Variants in NHSL1 observed in about 807,000 individuals in gnomAD.
The protein encoded by NHSL1 is NHS-like protein 1.
Under a neutral mutation model 95.0 loss-of-function variants are expected in NHSL1, and 48 were observed. That is an observed-to-expected ratio of 0.51 (90% CI 0.40 to 0.64). The LOEUF is 0.64. Among genes scored for constraint, NHSL1 ranks in the 30% least tolerant of loss-of-function variants. The probability of loss-of-function intolerance (pLI) is 0.00; values close to 1 mark genes in which losing one functional copy is unlikely to be tolerated. For missense variants in NHSL1, 1,971 were observed against 2,077.7 expected, an observed-to-expected ratio of 0.95 and a Z score of 1.00; for synonymous variants, 783 against 833.9, an observed-to-expected ratio of 0.94 and a Z score of 1.05.
Position 138,525,528 on chromosome 6 carries a change from AAAATAAATAAAT to A in NHSL1, c.16+20083_16+20094del, listed in dbSNP as rs141195256. 8.5e-3 allele frequency among the ~76,000 whole-genome samples: 1,180 copies of A among 139,640 alleles called. 4 individuals carry two copies. The highest frequency in any genetic ancestry group is 0.017 in the African/African-American group (629 of 37,646). 91.6% of individuals were successfully genotyped at this position (139,640 alleles called of 152,430 possible). A position where few individuals can be genotyped will look rare whatever the true frequency, so the allele number is the denominator to read the frequency against. On this transcript the variant is annotated intron_variant, in intron 1 of 4. Coordinates refer to the NHSL1 transcript ENST00000342260. ...GAACAACGAAGTGAGACCTTGTCTCAAAATAAATAAATAAATAAATAAATAAATAAATAAATA... is the reference window on the plus strand; with the variant it reads ...GAACAACGAAGTGAGACCTTGTCTCAAAATAAATAAATAAATAAATAAATA...
In NHSL1 at chr6:138,431,052, T is replaced by C. The variant is rs1229987577; in HGVS notation, c.3293A>G (p.Gln1098Arg). Reference sequence around the variant, plus strand: ...TGGAGCAACTGGAGTTCGTTGTTCCTGAGCTGTTCGTTCAGACAACTGTGC... The same window carrying C: ...TGGAGCAACTGGAGTTCGTTGTTCCCGAGCTGTTCGTTCAGACAACTGTGC... ...EAAQLSERTA[Q>R]EQRTPVAPQY... Residue 1098 changes from glutamine to arginine, a missense_variant, in exon 6 of 8, where the codon CAG (glutamine) becomes CGG (arginine). Gln to Arg is a conservative substitution (Grantham distance 43, BLOSUM62 1). Around this residue, in one of 3 missense-constraint regions of NHSL1, gnomAD observed 1,602 missense variants for 1,654.5 expected, o/e 0.97. Coordinates refer to ENST00000343505, the MANE Select transcript of NHSL1 (RefSeq NM_001144060.2). The surrounding 1 kb of genome is among the most constrained non-coding windows in gnomAD (Gnocchi z 4.0). 4.5e-6 allele frequency: 7 copies of C among 1,551,998 alleles called. No individual in the cohort carries two copies. The Admixed American group carries it at 5.9e-5, about 13-fold the overall frequency.
At chr6:138,645,715 C>T (rs9495177) in intron 1 of NHSL1, among the ~76,000 whole-genome samples, 4,447 of 151,956 alleles carry the variant, frequency 0.029, 213 homozygotes, top group African/African-American at 0.1. Context: ...ACCATGTTGG[C>T]CACGATACTC....
chr6:138,569,978 A>G (rs1270278235), intron 1 of NHSL1, among the ~76,000 whole-genome samples: 4 of 152,228 alleles, frequency 2.6e-5, no homozygotes. Flanking sequence ...AAAGGGCACA[A>G]TCTTTTGTAT....
chr6:138,574,118 A>G (rs2114461263), upstream of NHSL1, among the ~76,000 whole-genome samples: 1 of 152,130 alleles, frequency 6.6e-6, no homozygotes, highest in East Asian at 1.9e-4. Context: ...TTTTTAGTAG[A>G]GACAGGGTTT....
At chr6:138,504,575 T>G (rs957189271) in intron 1 of NHSL1, among the ~76,000 whole-genome samples, 6 of 152,072 alleles carry the variant, frequency 3.9e-5, no homozygotes, top group Admixed American at 2.0e-4. Context: ...GACAGCCCTG[T>G]GGGGAAAGGT....
chr6:138,442,952 C>T (rs9968931), intron 4 of NHSL1, among the ~76,000 whole-genome samples: 34,254 of 151,862 alleles, frequency 0.23, 6,913 homozygotes, highest in African/African-American at 0.55. Context: ...AAATTACCTG[C>T]CAGTTTAAAG....
chr6:138,682,777 G>A (rs1472759449), intron 1 of NHSL1, among the ~76,000 whole-genome samples: 3 of 152,128 alleles, frequency 2.0e-5, no homozygotes, highest in East Asian at 1.9e-4. Flanking sequence ...GGCCTCACCC[G>A]GCTGCGCTGA....
intron 3 of NHSL1, among the ~76,000 whole-genome samples, chr6:138,458,273 AACTCTATGTTCTCAT>A (rs1235568479): frequency 2.0e-5 from 3 of 152,170 alleles, no homozygotes; most frequent in African/African-American, 7.2e-5. Flanking sequence ...AGGAATCCCT[AACTCTATGTTCTCAT>A]ACCGGGTCAA....
At position 138,571,964 on chromosome 6, in the gene NHSL1, G is replaced by C. The variant is rs1783856169; in HGVS notation, c.-53C>G. The C allele has an allele frequency of 4.0e-6, 6 of 1,504,530 alleles. No individual in the cohort carries two copies. In the Admixed American group the frequency reaches 1.2e-4, roughly 31 times the overall value. 93.2% of individuals were successfully genotyped at this position (1,504,530 alleles called of 1,614,324 possible). A position where few individuals can be genotyped will look rare whatever the true frequency, so the allele number is the denominator to read the frequency against. ...AGAACAGCCCAGCAAACAAAACGCT[G>C]GGTTTTTTGCGTTGGCCCAGGTCCT... On this transcript the variant is annotated 5_prime_UTR_variant, in exon 1 of 7. Coordinates refer to the NHSL1 transcript ENST00000427025.
At chr6:138,658,744 C>T (rs1305014234) in intron 1 of NHSL1, among the ~76,000 whole-genome samples, 6 of 152,068 alleles carry the variant, frequency 3.9e-5, no homozygotes, top group South Asian at 2.1e-4. Flanking sequence ...ATAAGACCAT[C>T]GAAATCCTTC....
At chr6:138,521,501 C>G (rs925122883) in intron 1 of NHSL1, among the ~76,000 whole-genome samples, 2 of 152,032 alleles carry the variant, frequency 1.3e-5, no homozygotes, top group South Asian at 2.1e-4. Context: ...GCCTCACCCC[C>G]CTGGAATATG....
intron 3 of NHSL1, among the ~76,000 whole-genome samples, chr6:138,449,052 C>CAAAAAAAA (rs545496586): frequency 6.0e-4 from 53 of 88,426 alleles, no homozygotes; most frequent in African/African-American, 1.9e-3. Context: ...AATTCTGTCT[C>CAAAAAAAA]AAAAAAAAAA....
At chr6:138,606,702 C>CTTTTTTTTTTT (rs777156294) in intron 1 of NHSL1, among the ~76,000 whole-genome samples, 2 of 123,408 alleles carry the variant, frequency 1.6e-5, no homozygotes, top group East Asian at 2.3e-4. Flanking sequence ...TTCTTTCTTT[C>CTTTTTTTTTTT]TTTTTTTTTT....
At chr6:138,555,781 T>C (rs1783175385) in intron 1 of NHSL1, among the ~76,000 whole-genome samples, 3 of 152,184 alleles carry the variant, frequency 2.0e-5, no homozygotes, top group Non-Finnish European at 4.4e-5. Context: ...AAGGAATTTG[T>C]CACTTGACCC....
intron 1 of NHSL1, among the ~76,000 whole-genome samples, chr6:138,603,899 T>TA (rs758647829): frequency 6.6e-5 from 10 of 152,230 alleles, no homozygotes; most frequent in South Asian, 2.1e-4. Flanking sequence ...TCATGAATTT[T>TA]AAGTCTTACC....
Position 138,473,674 on chromosome 6 carries a change from A to G in NHSL1, c.212-241T>C, listed in dbSNP as rs1778893859. Among the ~76,000 whole-genome samples, 3 of 152,188 alleles carry G rather than the reference A, an allele frequency of 2.0e-5. No individual in the cohort carries two copies. The South Asian group carries it at 6.2e-4, about 32-fold the overall frequency. ...CTTGATAAGATTGTATTCAGAGATCACAACCATCCTGTGAGGTAGACACCA... is the reference window on the plus strand; with the variant it reads ...CTTGATAAGATTGTATTCAGAGATCGCAACCATCCTGTGAGGTAGACACCA... On this transcript the variant is annotated intron_variant, in intron 2 of 7. Coordinates refer to ENST00000343505, the MANE Select transcript of NHSL1 (RefSeq NM_001144060.2).
At chr6:138,549,702 ATTTG>A (rs1410142179), upstream of NHSL1, among the ~76,000 whole-genome samples, 1 of 152,144 alleles carries the variant, frequency 6.6e-6, no homozygotes, top group African/African-American at 2.4e-5. Context: ...GATGGGCATG[ATTTG>A]TTTTTCTTTT....
At chr6:138,662,880 G>C (rs188722641) in intron 1 of NHSL1, among the ~76,000 whole-genome samples, 3 of 151,894 alleles carry the variant, frequency 2.0e-5, no homozygotes, top group Admixed American at 6.6e-5. Flanking sequence ...TACACTGCTG[G>C]AATTGATGTA....
intron 1 of NHSL1, among the ~76,000 whole-genome samples, chr6:138,563,914 A>G (rs1473899145): frequency 6.6e-6 from 1 of 152,166 alleles, no homozygotes; most frequent in African/African-American, 2.4e-5. Flanking sequence ...TGGGGAGGGG[A>G]GCGGTGTGTA....
Sources: allele counts gnomAD v4.1 joint callset (sites outside exome capture counted in the v4.1 genomes callset), GRCh38; gene constraint gnomAD v4.1.1; regional missense constraint gnomAD v4.1.1; non-coding constraint Gnocchi (gnomAD v3.1); transcripts MANE v1.5; gene names NCBI Gene and HGNC (gene_info 2026-07-23, HGNC 2026-07-21).